TCTN1: variants seen among roughly 807,000 people sequenced by gnomAD.
TCTN1 encodes tectonic family member 1, also known as tectonic-1.
A neutral mutation model predicts 65.8 loss-of-function variants in TCTN1; 58 were observed. The ratio of observed to expected loss-of-function variants is 0.88; its 90% CI spans 0.71 to 1.10. The LOEUF (loss-of-function observed/expected upper bound fraction) is 1.10. Ranked by LOEUF, TCTN1 falls within the 50% of genes least tolerant of loss-of-function variation. The pLI, the probability that TCTN1 is intolerant of heterozygous loss-of-function variation, is 0.00. For missense variants in TCTN1, 645 were observed against 719.4 expected, an observed-to-expected ratio of 0.90 and a Z score of 1.18; for synonymous variants, 273 against 289.1, an observed-to-expected ratio of 0.94 and a Z score of 0.57.
intron 11 of TCTN1, among the ~76,000 whole-genome samples, chr12:110,642,738 C>T (rs969260290): frequency 1.3e-5 from 2 of 151,470 alleles, no homozygotes; most frequent in Non-Finnish European, 2.9e-5. Flanking sequence ...GTTGGGACTA[C>T]AGGCATGCAC....
intron 13 of TCTN1, 55 bp from the exon 14 acceptor site, chr12:110,647,694 T>G: frequency 6.2e-7 from 1 of 1,613,248 alleles, no homozygotes; most frequent in Non-Finnish European, 8.5e-7. Context: ...GTCTCATTGT[T>G]GTCATTCTGG....
intron 3 of TCTN1, among the ~76,000 whole-genome samples, chr12:110,626,840 G>A (rs1416033754): frequency 1.4e-5 from 2 of 140,888 alleles, no homozygotes; most frequent in Non-Finnish European, 3.0e-5. Context: ...GCTCAATCTC[G>A]GCTCATCACA....
intron 13 of TCTN1, chr12:110,647,541 C>A: frequency 9.7e-7 from 1 of 1,027,044 alleles, no homozygotes; most frequent in Non-Finnish European, 1.4e-6. Context: ...CTTTAAAATT[C>A]TCATGAAAAT....
intron 4 of TCTN1, 139 bp downstream of exon 4, chr12:110,629,057 T>A: frequency 2.2e-6 from 2 of 910,450 alleles, no homozygotes; most frequent in Non-Finnish European, 3.4e-6. Context: ...TGTTCATGCC[T>A]ACAAATCAAA....
intron 7 of TCTN1, among the ~76,000 whole-genome samples, chr12:110,637,852 G>T (rs1477469251): frequency 6.6e-6 from 1 of 152,106 alleles, no homozygotes. Flanking sequence ...CTAACGCAGC[G>T]TCCAGTAGGT....
intron 4 of TCTN1, among the ~76,000 whole-genome samples, chr12:110,632,078 A>G (rs549993273): frequency 3.9e-5 from 6 of 152,238 alleles, no homozygotes; most frequent in Non-Finnish European, 7.3e-5. Context: ...AAACTGATTT[A>G]TAAAAAATTG....
intron 7 of TCTN1, 141 bp downstream of exon 7, chr12:110,636,642 G>A (rs1380532488): frequency 1.8e-6 from 1 of 547,614 alleles, no homozygotes. Context: ...CAAAAAGCAA[G>A]CAGAAGTGCA....
rs556824559 is a variant in TCTN1 at position 110,638,720 on chromosome 12, A to G, written c.844-1663A>G. On this transcript the variant is annotated intron_variant, in intron 7 of 14. Transcript: ENST00000397659. ...ACACTGAATCCTTCGGTTTTTGCCA[A>G]TTCCACGCACACACCATGGAAGTGG... 5.3e-5 allele frequency among the ~76,000 whole-genome samples: 8 copies of G among 152,332 alleles called. No individual in the cohort carries two copies. The South Asian group carries it at 6.2e-4, about 12-fold the overall frequency.
intron 1 of TCTN1, among the ~76,000 whole-genome samples, chr12:110,618,172 A>C (rs1377040880): frequency 1.3e-5 from 2 of 148,532 alleles, no homozygotes; most frequent in African/African-American, 5.0e-5. Flanking sequence ...TTCTGGGTTG[A>C]AACGATTCTC....
Position 110,614,284 on chromosome 12 carries a change from C to A in TCTN1, c.102C>A (p.Gly34=), listed in dbSNP as rs770713040. 2 of 1,596,890 alleles carry A rather than the reference C, an allele frequency of 1.3e-6. No homozygotes were observed. Among genetic ancestry groups the A allele is most frequent in the African/African-American group, 1.3e-5 (1 of 74,758 alleles). ...TDATPAVTTE[G]LNSTEAALAT... is the part of the protein sequence containing the mutation. The stretch of plus-strand genomic sequence containing the variant: ...CCACCCCGGCGGTGACGACAGAGGG[C>A]CTCAACTCCACCGAGGCAGCCCTGG... The change falls in exon 1 of 15, where the codon GGC becomes GGA. Residue 34 remains glycine, a synonymous_variant. Coordinates refer to ENST00000397659, the MANE Select transcript of TCTN1 (RefSeq NM_001082538.3).
intron 14 of TCTN1, 110 bp downstream of exon 14, chr12:110,648,003 G>T: frequency 6.6e-7 from 1 of 1,522,106 alleles, no homozygotes; most frequent in South Asian, 1.1e-5. Context: ...TGAGGGTCTC[G>T]CTTTGTTGCC....
At chr12:110,641,876 T>TG in intron 10 of TCTN1, 1 of 561,764 alleles carries the variant, frequency 1.8e-6, no homozygotes, top group Non-Finnish European at 3.1e-6. Context: ...TTTTTTAATC[T>TG]CCTTTTTTTT....
rs1015301752 is a variant in TCTN1 at position 110,649,336 on chromosome 12, G to T, written c.*295G>T. ...AAACCTCTCACCAAGCGGCCCAGGA[G>T]GGGCAGCTGTTCCTCTCGTGACAGC... is the stretch of plus-strand genomic sequence containing the variant. On this transcript the variant is annotated 3_prime_UTR_variant, in exon 15 of 15. Transcript: ENST00000397659. 1.6e-5 allele frequency: 20 copies of T among 1,224,828 alleles called. No individual in the cohort carries two copies. The highest frequency in any genetic ancestry group is 2.0e-5 in the Non-Finnish European group (17 of 838,940). 75.9% of individuals were successfully genotyped at this position (1,224,828 alleles called of 1,614,324 possible).
At chr12:110,622,103 C>T (rs905611197) in intron 2 of TCTN1, among the ~76,000 whole-genome samples, 1 of 151,732 alleles carries the variant, frequency 6.6e-6, no homozygotes, top group African/African-American at 2.4e-5. Flanking sequence ...CACCATTGCA[C>T]TCTAGCCCGG....
intron 1 of TCTN1, among the ~76,000 whole-genome samples, chr12:110,618,988 T>G (rs984954379): frequency 6.7e-6 from 1 of 148,202 alleles, no homozygotes; most frequent in African/African-American, 2.5e-5. Flanking sequence ...CTGGCCAACA[T>G]GGTGAAACCC....
At chr12:110,645,497 G>A (rs570984461) in intron 12 of TCTN1, 3 of 333,098 alleles carry the variant, frequency 9.0e-6, no homozygotes, top group Non-Finnish European at 1.7e-5. Context: ...GTGATTGCTG[G>A]TGTCCCCCGA....
chr12:110,645,364 G>C (rs1171790565), intron 12 of TCTN1: 4 of 550,232 alleles, frequency 7.3e-6, no homozygotes, highest in Non-Finnish European at 6.5e-6. Flanking sequence ...TCAATAGTGA[G>C]TGAATGGCCT....
In TCTN1 at chr12:110,628,890, T is replaced by C; in HGVS notation, c.596T>C (p.Leu199Pro). ...TCATATGTTTCCTTCACAACCAAAC[T>C]GGATATTCCTACTGCTGCTAAATAT... Reference protein sequence around the residue: ...AESYVSFTTKLDIPTAAKYEY... With the variant: ...AESYVSFTTKPDIPTAAKYEY... Residue 199 changes from leucine to proline, a missense_variant, in exon 4 of 15, where the codon CTG (leucine) becomes CCG (proline). Coordinates refer to ENST00000397659, the MANE Select transcript of TCTN1 (RefSeq NM_001082538.3). 6.2e-7 allele frequency: 1 copy of C among 1,613,774 alleles called. No individual in the cohort carries two copies. Among genetic ancestry groups the C allele is most frequent in the African/African-American group, 1.3e-5 (1 of 75,048 alleles).
chr12:110,617,649 T>C (rs1434071120), intron 1 of TCTN1, among the ~76,000 whole-genome samples: 1 of 151,494 alleles, frequency 6.6e-6, no homozygotes, highest in Non-Finnish European at 1.5e-5. Flanking sequence ...TTCTTTCTTT[T>C]TTTTTTTTTG....
Sources: allele counts gnomAD v4.1 joint callset (sites outside exome capture counted in the v4.1 genomes callset), GRCh38; gene constraint gnomAD v4.1.1; transcripts MANE v1.5; gene names NCBI Gene and HGNC (gene_info 2026-07-23, HGNC 2026-07-21).